Variants in SPATA22 observed in about 807,000 individuals in gnomAD.
SPATA22 encodes spermatogenesis associated 22.
Under a neutral mutation model 47.8 loss-of-function variants are expected in SPATA22, and 29 were observed. The ratio of observed to expected loss-of-function variants is 0.61; its 90% CI spans 0.45 to 0.83. The LOEUF (loss-of-function observed/expected upper bound fraction) is 0.83, where lower values mean the gene tolerates loss of function less well. Ranked by LOEUF, SPATA22 falls within the 40% of genes least tolerant of loss-of-function variation. The pLI, the probability that SPATA22 is intolerant of heterozygous loss-of-function variation, is 0.00. For synonymous variants in SPATA22, 133 were observed against 140.9 expected, an observed-to-expected ratio of 0.94 and a Z score of 0.40; for missense variants, 410 against 421.7, an observed-to-expected ratio of 0.97 and a Z score of 0.24.
chr17:3,477,572 C>A (rs1378680797), intron 1 of SPATA22, among the ~76,000 whole-genome samples: 1 of 152,072 alleles, frequency 6.6e-6, no homozygotes, highest in Non-Finnish European at 1.5e-5. Context: ...CCTGCCTCAA[C>A]CTCCCGAGTA....
intron 8 of SPATA22, among the ~76,000 whole-genome samples, chr17:3,442,218 C>T (rs1253063004): frequency 2.0e-5 from 3 of 151,894 alleles, no homozygotes; most frequent in South Asian, 4.1e-4. Context: ...TAGGAATTGA[C>T]AATTATTTCT....
chr17:3,458,855 C>CAAAAAAAAAAAAAAAAAAA lies in SPATA22; in HGVS notation c.329+3609_329+3627dup, dbSNP rs545223532. Among the ~76,000 whole-genome samples the CAAAAAAAAAAAAAAAAAAA allele has an allele frequency of 1.9e-3, 73 of 38,340 alleles. 3 individuals are homozygous for CAAAAAAAAAAAAAAAAAAA. The highest frequency in any genetic ancestry group is 5.5e-3 in the East Asian group (9 of 1,642). The allele number at this position is 38,340 out of a possible 152,430, so 25.2% of individuals were successfully genotyped here. On this transcript the variant is annotated intron_variant, in intron 5 of 8. Transcript: ENST00000572969. ...CCTGGGCAACAAGAGCGAAACTTCA[C>CAAAAAAAAAAAAAAAAAAA]AAAAAAAAAAAAAAAAAAAAAAAAA...
At chr17:3,504,669 C>A (rs1348354299) in intron 1 of SPATA22, among the ~76,000 whole-genome samples, 1 of 151,816 alleles carries the variant, frequency 6.6e-6, no homozygotes, top group African/African-American at 2.4e-5. Flanking sequence ...GCGATTCTGC[C>A]GCCTCAGCCT....
chr17:3,482,763 C>T (rs2073652558), intron 1 of SPATA22, among the ~76,000 whole-genome samples: 1 of 145,204 alleles, frequency 6.9e-6, no homozygotes, highest in South Asian at 2.3e-4. Context: ...CATAATGTAG[C>T]GATTCTTTTT....
chr17:3,466,251 T>A (rs1268138416), intron 3 of SPATA22, among the ~76,000 whole-genome samples: 3 of 151,464 alleles, frequency 2.0e-5, no homozygotes, highest in African/African-American at 7.3e-5. Flanking sequence ...ATCCTATTAA[T>A]TTTTAAAATG....
Position 3,462,739 on chromosome 17 carries a change from C to T in SPATA22, c.201G>A (p.Glu67=), listed in dbSNP as rs2073155984. Residue 67 remains glutamate (E), a synonymous_variant, in exon 4 of 9, where the codon GAG becomes GAA. Transcript: ENST00000572969. Reference sequence around the variant, plus strand: ...CCACTGTTTTCATTACAGGAGCCAACTCTGGATTCACAGCTTCCCAGGCCC... The same window carrying T: ...CCACTGTTTTCATTACAGGAGCCAATTCTGGATTCACAGCTTCCCAGGCCC... ...TDWAWEAVNP[E]LAPVMKTVDT... The T allele has an allele frequency of 6.2e-7, 1 of 1,613,586 alleles. No individual in the cohort carries two copies. The highest frequency in any genetic ancestry group is 8.5e-7 in the Non-Finnish European group (1 of 1,179,536).
chr17:3,483,601 T>C lies in SPATA22; in HGVS notation c.-73-14203A>G, dbSNP rs1392070781. 3 of 1,590,662 alleles carry C rather than the reference T, an allele frequency of 1.9e-6. No homozygotes were observed. In the African/African-American group the frequency reaches 4.0e-5, roughly 21 times the overall value. On this transcript the variant is annotated intron_variant, in intron 1 of 8. Coordinates refer to the SPATA22 transcript ENST00000541913. ...AGCCAAGTATCCTGTGGGTAAGTCA[T>C]AGTTCCCACTGTCATAACTCAATAA...
At chr17:3,494,592 G>T in intron 1 of SPATA22, 1 of 772,978 alleles carries the variant, frequency 1.3e-6, no homozygotes. Flanking sequence ...TGTAGATAGG[G>T]AAGATGTTCG....
chr17:3,500,282 T>C (rs1427462234), intron 1 of SPATA22: 1 of 152,258 alleles, frequency 6.6e-6, no homozygotes, highest in Non-Finnish European at 1.5e-5. Flanking sequence ...GCTAAAATCA[T>C]TGACAAAGAT....
intron 5 of SPATA22, among the ~76,000 whole-genome samples, chr17:3,451,361 A>G (rs2072855798): frequency 6.6e-6 from 1 of 152,164 alleles, no homozygotes; most frequent in Non-Finnish European, 1.5e-5. Context: ...CATAATAAAA[A>G]AAAGAAAGCT....
chr17:3,471,870 G>A (rs1262491105), upstream of SPATA22: 6 of 985,350 alleles, frequency 6.1e-6, no homozygotes, highest in Non-Finnish European at 7.2e-6. Context: ...CCGCCACCTC[G>A]GCGCGATGGC....
At chr17:3,454,477 G>C (rs1428763708) in intron 5 of SPATA22, among the ~76,000 whole-genome samples, 1 of 151,538 alleles carries the variant, frequency 6.6e-6, no homozygotes, top group East Asian at 1.9e-4. Flanking sequence ...AGTCCCCAGA[G>C]TGTGATGTTC....
chr17:3,460,441 T>A (rs2073100059), intron 5 of SPATA22, among the ~76,000 whole-genome samples: 1 of 152,128 alleles, frequency 6.6e-6, no homozygotes, highest in Admixed American at 6.6e-5. Flanking sequence ...TCCCTTAAAA[T>A]TTATGCATTT....
chr17:3,473,100 A>T (rs2073469757), upstream of SPATA22, among the ~76,000 whole-genome samples: 1 of 140,080 alleles, frequency 7.1e-6, no homozygotes, highest in Non-Finnish European at 1.6e-5. Context: ...CCAAAAATAG[A>T]TTTTTCATTA....
chr17:3,463,630 T>G (rs903742654), intron 3 of SPATA22, among the ~76,000 whole-genome samples: 1 of 151,590 alleles, frequency 6.6e-6, no homozygotes, highest in African/African-American at 2.4e-5. Context: ...TACTGTACAC[T>G]AAACACACCA....
At chr17:3,469,071 C>T (rs1597413090) in intron 2 of SPATA22, among the ~76,000 whole-genome samples, 3 of 152,240 alleles carry the variant, frequency 2.0e-5, no homozygotes. Flanking sequence ...GAAAGAATAT[C>T]AAAATAAATC....
intron 5 of SPATA22, among the ~76,000 whole-genome samples, chr17:3,450,847 G>A (rs1470922158): frequency 1.3e-5 from 2 of 152,146 alleles, no homozygotes; most frequent in East Asian, 3.8e-4. Context: ...AATATTGCAA[G>A]AAGTACCAAA....
At chr17:3,477,492 T>C (rs1315229453) in intron 1 of SPATA22, among the ~76,000 whole-genome samples, 1 of 152,154 alleles carries the variant, frequency 6.6e-6, no homozygotes, top group African/African-American at 2.4e-5. Flanking sequence ...TCGCTCTTGT[T>C]GCCCAGTCTG....
At chr17:3,444,807 A>AG (rs777704489) in intron 7 of SPATA22, among the ~76,000 whole-genome samples, 2 of 152,240 alleles carry the variant, frequency 1.3e-5, no homozygotes, top group African/African-American at 2.4e-5. Flanking sequence ...TATACAGTGC[A>AG]GTGTGCTAGA....
Sources: allele counts gnomAD v4.1 joint callset (sites outside exome capture counted in the v4.1 genomes callset), GRCh38; gene constraint gnomAD v4.1.1; transcripts MANE v1.5; gene names NCBI Gene and HGNC (gene_info 2026-07-23, HGNC 2026-07-21).